Variants in MKLN1 observed in about 807,000 individuals in gnomAD.
The protein encoded by MKLN1 is muskelin.
In MKLN1, 18 loss-of-function variants were observed where a neutral mutation model predicts 99.0. The observed-to-expected ratio is 0.18, with a 90% confidence interval of 0.13 to 0.27. The LOEUF is 0.27. Among genes scored for constraint, MKLN1 ranks in the 10% least tolerant of loss-of-function variants. The pLI, the probability that MKLN1 is intolerant of heterozygous loss-of-function variation, is 1.00. For missense variants in MKLN1, 621 were observed against 875.9 expected, an observed-to-expected ratio of 0.71 and a Z score of 3.67; for synonymous variants, 288 against 293.2, an observed-to-expected ratio of 0.98 and a Z score of 0.18.
chr7:131,355,819 C>T (rs934940269), intron 1 of MKLN1, among the ~76,000 whole-genome samples: 1 of 151,438 alleles, frequency 6.6e-6, no homozygotes, highest in Non-Finnish European at 1.5e-5. Flanking sequence ...AGCCACCACA[C>T]CCAGCCTTGA....
intron 1 of MKLN1, among the ~76,000 whole-genome samples, chr7:131,338,826 G>T (rs549974025): frequency 6.6e-6 from 1 of 152,180 alleles, no homozygotes; most frequent in Admixed American, 6.5e-5. Context: ...GAACAACATG[G>T]ATTTGAATTT....
At chr7:131,480,390 A>G (rs1166253006) in intron 17 of MKLN1, among the ~76,000 whole-genome samples, 1 of 152,202 alleles carries the variant, frequency 6.6e-6, no homozygotes, top group Non-Finnish European at 1.5e-5. Flanking sequence ...CTGTACCTCA[A>G]AGAAAAAAGA....
In MKLN1 at chr7:131,490,257, C is replaced by T. The variant is rs2116722125; in HGVS notation, c.*2529C>T. On this transcript the variant is annotated 3_prime_UTR_variant, in exon 18 of 18. Coordinates refer to ENST00000352689, the MANE Select transcript of MKLN1 (RefSeq NM_013255.5). ...CTAGGTGAATCCCTAATTGAAACAC[C>T]TGGCTAACACTTTAGACACATAAAT... 6.5e-6 allele frequency: 1 copy of T among 152,714 alleles called. No individual in the cohort carries two copies. The highest frequency in any genetic ancestry group is 1.9e-4 in the East Asian group (1 of 5,186). The allele number at this position is 152,714 out of a possible 1,614,324, so 9.5% of individuals were successfully genotyped here.
chr7:131,365,152 G>C (rs541799038), intron 1 of MKLN1, among the ~76,000 whole-genome samples: 1 of 152,222 alleles, frequency 6.6e-6, no homozygotes, highest in East Asian at 1.9e-4. Context: ...TAGCCATTCT[G>C]ACTGGTGTGA....
At chr7:131,175,254 A>AGATAGATAGATAGATAATG (rs1796281962) in intron 2 of MKLN1, among the ~76,000 whole-genome samples, 1 of 152,056 alleles carries the variant, frequency 6.6e-6, no homozygotes, top group Non-Finnish European at 1.5e-5. Context: ...ATGGATAGAT[A>AGATAGATAGATAGATAATG]GATAGATAGA....
intron 3 of MKLN1, among the ~76,000 whole-genome samples, chr7:131,209,431 G>A (rs12530714): frequency 0.25 from 37,465 of 152,096 alleles, 5,105 homozygotes; most frequent in East Asian, 0.66. Context: ...GGAGCGCTGG[G>A]TGTATGGGGT....
chr7:131,436,952 C>G (rs1420036440), intron 9 of MKLN1, among the ~76,000 whole-genome samples: 1 of 152,086 alleles, frequency 6.6e-6, no homozygotes, highest in Non-Finnish European at 1.5e-5. Context: ...AAGTGATAGA[C>G]TTGGATTCTT....
chr7:131,240,787 C>A (rs140230521), intron 3 of MKLN1, among the ~76,000 whole-genome samples: 1 of 152,150 alleles, frequency 6.6e-6, no homozygotes, highest in East Asian at 1.9e-4. Flanking sequence ...ACCAAGTTGT[C>A]GTTAAAGAAC....
At chr7:131,228,373 C>T (rs1289277686) in intron 3 of MKLN1, among the ~76,000 whole-genome samples, 1 of 152,196 alleles carries the variant, frequency 6.6e-6, no homozygotes, top group Non-Finnish European at 1.5e-5. Flanking sequence ...CCACCTCGGC[C>T]TCCCAAAGTG....
chr7:131,370,740 G>T (rs962906013), intron 1 of MKLN1, among the ~76,000 whole-genome samples: 1 of 152,132 alleles, frequency 6.6e-6, no homozygotes, highest in Non-Finnish European at 1.5e-5. Flanking sequence ...TCTTAGTGGG[G>T]TAGGGAGATA....
At chr7:131,177,999 T>G (rs1330215014) in intron 2 of MKLN1, among the ~76,000 whole-genome samples, 1 of 152,212 alleles carries the variant, frequency 6.6e-6, no homozygotes, top group Non-Finnish European at 1.5e-5. Context: ...AGATGGCTCC[T>G]GCAGCTCTAG....
Position 131,466,216 on chromosome 7 carries a change from A to T in MKLN1, c.1789-60A>T, listed in dbSNP as rs913494417. ...GGAAGTTAACCTGTTATGCACTGCT[A>T]CTAGAATATCTTGGGTATGCATGCA... On this transcript the variant is annotated intron_variant, in intron 14 of 17. Coordinates refer to ENST00000352689, the MANE Select transcript of MKLN1 (RefSeq NM_013255.5). 6 of 1,305,162 alleles carry T rather than the reference A, an allele frequency of 4.6e-6. No individual in the cohort carries two copies. In the Admixed American group the frequency reaches 8.1e-5, roughly 18 times the overall value. The allele number at this position is 1,305,162 out of a possible 1,614,324, so 80.8% of individuals were successfully genotyped here. A position where few individuals can be genotyped will look rare whatever the true frequency, so the allele number is the denominator to read the frequency against.
intron 3 of MKLN1, among the ~76,000 whole-genome samples, chr7:131,257,481 G>C (rs561647016): frequency 6.6e-6 from 1 of 152,326 alleles, no homozygotes; most frequent in South Asian, 2.1e-4. Context: ...AATGTGAGCT[G>C]TCTGGTAAGC....
At position 131,442,585 on chromosome 7, in the gene MKLN1, AAAAAAATACAT is replaced by A. The variant is rs1419285906; in HGVS notation, c.1174-892_1174-882del. On this transcript the variant is annotated intron_variant, in intron 10 of 17. Coordinates refer to ENST00000352689, the MANE Select transcript of MKLN1 (RefSeq NM_013255.5). ...AAATTATGAAAATAGCCTTTTGTTT[AAAAAAATACAT>A]AAATAGCAGAAGTAATCTGGTAGGA... 4.6e-5 allele frequency among the ~76,000 whole-genome samples: 7 copies of A among 152,282 alleles called. No homozygotes were observed. In the East Asian group the frequency reaches 9.6e-4, roughly 21 times the overall value.
chr7:131,284,732 G>A (rs1219009858), intron 3 of MKLN1, among the ~76,000 whole-genome samples: 2 of 152,174 alleles, frequency 1.3e-5, no homozygotes, highest in African/African-American at 2.4e-5. Context: ...GCATACGTGC[G>A]GTCGCTTAGG....
chr7:131,346,825 GT>G (rs1405352177), intron 1 of MKLN1, among the ~76,000 whole-genome samples: 3 of 152,170 alleles, frequency 2.0e-5, no homozygotes, highest in Non-Finnish European at 4.4e-5. Flanking sequence ...AAAAGTGATT[GT>G]TTTTCTATAA....
intron 12 of MKLN1, among the ~76,000 whole-genome samples, chr7:131,447,191 G>A (rs963037096): frequency 5.9e-5 from 9 of 152,064 alleles, no homozygotes; most frequent in Admixed American, 1.3e-4. Flanking sequence ...AAACATCTTC[G>A]TCTATTACAA....
chr7:131,127,807 C>T lies in MKLN1; in HGVS notation c.-418-15013C>T, dbSNP rs1203031800. Among the ~76,000 whole-genome samples, 8 of 152,282 alleles carry T rather than the reference C, an allele frequency of 5.3e-5. No homozygotes were observed. In the East Asian group the frequency reaches 1.5e-3, roughly 29 times the overall value. On this transcript the variant is annotated intron_variant, in intron 1 of 7. Transcript: ENST00000416992. Reference sequence around the variant, plus strand: ...GCTTCGATTAACCACATAGAAGTCTCCTCTGGGAAGGTATTTAGATCAGGA... The same window carrying T: ...GCTTCGATTAACCACATAGAAGTCTTCTCTGGGAAGGTATTTAGATCAGGA...
intron 2 of MKLN1, among the ~76,000 whole-genome samples, chr7:131,171,738 A>G (rs1012972575): frequency 1.3e-5 from 2 of 152,194 alleles, no homozygotes; most frequent in African/African-American, 4.8e-5. Context: ...GATTACAGGC[A>G]TGAGCCACCT....
Sources: allele counts gnomAD v4.1 joint callset (sites outside exome capture counted in the v4.1 genomes callset), GRCh38; gene constraint gnomAD v4.1.1; transcripts MANE v1.5; gene names NCBI Gene and HGNC (gene_info 2026-07-23, HGNC 2026-07-21).